The following ZBTB4 variants were observed in gnomAD, a reference collection of about 807,000 sequenced individuals.
The protein encoded by ZBTB4 is zinc finger and BTB domain containing 4.
A neutral mutation model predicts 59.8 loss-of-function variants in ZBTB4; 14 were observed. The ratio of observed to expected loss-of-function variants is 0.23; its 90% CI spans 0.15 to 0.37. The LOEUF (loss-of-function observed/expected upper bound fraction) is 0.37, where lower values mean the gene tolerates loss of function less well. Ranked by LOEUF, ZBTB4 falls within the 10% of genes least tolerant of loss-of-function variation. ZBTB4 has a pLI of 1.00. For missense variants in ZBTB4, 1,198 were observed against 1,380.8 expected, an observed-to-expected ratio of 0.87 and a Z score of 2.10; for synonymous variants, 587 against 575.2, an observed-to-expected ratio of 1.02 and a Z score of -0.29.
At chr17:7,476,754 T>G (rs2070274242) in intron 1 of ZBTB4, among the ~76,000 whole-genome samples, 2 of 152,150 alleles carry the variant, frequency 1.3e-5, no homozygotes, top group Admixed American at 1.3e-4. Context: ...CAGCAGAGAC[T>G]CAGGTTCTCA....
At chr17:7,477,220 C>T (rs1226186247) in intron 1 of ZBTB4, among the ~76,000 whole-genome samples, 2 of 152,196 alleles carry the variant, frequency 1.3e-5, no homozygotes, top group Non-Finnish European at 2.9e-5. Context: ...CTGGCATAGG[C>T]ACAGCCCCCA....
chr17:7,479,304 C>A (rs933059008), intron 1 of ZBTB4, among the ~76,000 whole-genome samples, 152 bp downstream of exon 1: 1 of 151,968 alleles, frequency 6.6e-6, no homozygotes, highest in Admixed American at 6.5e-5. Flanking sequence ...CCAGGCTCAG[C>A]CCCCGACCCC....
Position 7,463,480 on chromosome 17 carries a change from C to T in ZBTB4, c.1502G>A (p.Gly501Glu). ...GGGSGTASTG[G>E]SQAASVITYT... ...AGTGATAACCGAGGCAGCTTGGGAC[C>T]CTCCTGTGCTGGCCGTCCCACTCCC... Residue 501 changes from glycine to glutamate, a missense_variant, in exon 4 of 4, where the codon GGG becomes GAG. Physicochemically the swap from Gly to Glu is moderately conservative, Grantham distance 98 (BLOSUM62 -2). Around this residue, in one of 9 missense-constraint regions of ZBTB4, gnomAD observed 550 missense variants for 541.8 expected, o/e 1.02. Transcript: ENST00000380599. 6.5e-7 allele frequency: 1 copy of T among 1,536,836 alleles called. No individual in the cohort carries two copies. The highest frequency in any genetic ancestry group is 8.8e-7 in the Non-Finnish European group (1 of 1,141,854).
chr17:7,467,578 C>G (rs1021164595), intron 1 of ZBTB4, among the ~76,000 whole-genome samples: 19 of 152,172 alleles, frequency 1.2e-4, no homozygotes, highest in Non-Finnish European at 2.5e-4. Context: ...CAGAGAAGTA[C>G]AGTGACAAGA....
At chr17:7,480,265 C>T (rs71370499), upstream of ZBTB4, among the ~76,000 whole-genome samples, 1 of 152,136 alleles carries the variant, frequency 6.6e-6, no homozygotes, top group African/African-American at 2.4e-5. Flanking sequence ...GCCTTGGTGT[C>T]GGCCTCTGGG....
intron 1 of ZBTB4, among the ~76,000 whole-genome samples, chr17:7,468,322 G>A (rs915113268): frequency 6.6e-6 from 1 of 152,066 alleles, no homozygotes; most frequent in African/African-American, 2.4e-5. Flanking sequence ...GCAGTGAGAC[G>A]AGGTCACGCC....
At position 7,462,910 on chromosome 17, in the gene ZBTB4, C is replaced by T. The variant is rs748741166; in HGVS notation, c.2072G>A (p.Arg691Gln). Reference protein sequence around the residue: ...GASVGGSGLPRGRRPPRWRQK... With the variant: ...GASVGGSGLPQGRRPPRWRQK... Reference sequence around the variant, plus strand: ...CCTCCAACGTGGTGGCCGGCGGCCTCGGGGCAGCCCACTGCCCCCCACACT... The same window carrying T: ...CCTCCAACGTGGTGGCCGGCGGCCTTGGGGCAGCCCACTGCCCCCCACACT... The change falls in exon 4 of 4, where the codon CGA becomes CAA. Residue 691 changes from arginine (R) to glutamine (Q), a missense_variant. Coordinates refer to ENST00000380599, the MANE Select transcript of ZBTB4 (RefSeq NM_001128833.2). This position sits in a 1 kb window ranked among gnomAD's most constrained non-coding sequence, Gnocchi z 7.5. 19 of 1,609,002 alleles carry T rather than the reference C, an allele frequency of 1.2e-5. No homozygotes were observed. The highest frequency in any genetic ancestry group is 2.2e-5 in the East Asian group (1 of 44,886).
chr17:7,471,472 TG>T lies in ZBTB4; in HGVS notation c.-80-4146del, dbSNP rs199714918. Among the ~76,000 whole-genome samples the T allele has an allele frequency of 4.6e-3, 696 of 152,344 alleles. 8 individuals carry two copies. The highest frequency in any genetic ancestry group is 0.016 in the African/African-American group (676 of 41,574). ...TATCATCTCATTTCAACACTCAAAA[TG>T]GCCAGTGAGACAACAGGCTTAGAGA... On this transcript the variant is annotated intron_variant, in intron 1 of 3. Transcript: ENST00000380599.
At chr17:7,479,286 G>A (rs537977717) in intron 1 of ZBTB4, among the ~76,000 whole-genome samples, 170 bp downstream of exon 1, 1,955 of 151,846 alleles carry the variant, frequency 0.013, 36 homozygotes, top group African/African-American at 0.043. Context: ...GCGCGCCCGG[G>A]GGCGGGGCCA....
rs1346193939 is a variant in ZBTB4 at position 7,479,596 on chromosome 17, C to CCGGCTG, written c.-222_-221insCAGCCG. ...CCCCAGCGCCTGGCCCCGGCCCGGC[C>CCGGCTG]CCGCTGCCGCCGCCGCCGCCGCCGC... On this transcript the variant is annotated 5_prime_UTR_variant, in exon 1 of 4. Coordinates refer to ENST00000380599, the MANE Select transcript of ZBTB4 (RefSeq NM_001128833.2). The CCGGCTG allele has an allele frequency of 1.8e-5, 3 of 169,044 alleles. No homozygotes were observed. In the Admixed American group the frequency reaches 2.0e-4, roughly 11 times the overall value. 10.5% of individuals were successfully genotyped at this position (169,044 alleles called of 1,614,324 possible). A position where few individuals can be genotyped will look rare whatever the true frequency, so the allele number is the denominator to read the frequency against.
At chr17:7,475,463 C>A (rs1477706099) in intron 1 of ZBTB4, among the ~76,000 whole-genome samples, 1 of 152,218 alleles carries the variant, frequency 6.6e-6, no homozygotes, top group East Asian at 1.9e-4. Flanking sequence ...AGTACAGCCA[C>A]CCACAATAGG....
chr17:7,478,755 C>A (rs2070303412), intron 1 of ZBTB4, among the ~76,000 whole-genome samples: 1 of 152,252 alleles, frequency 6.6e-6, no homozygotes. Flanking sequence ...TCACCCAAAG[C>A]CACAGGGCTC....
intron 1 of ZBTB4, among the ~76,000 whole-genome samples, chr17:7,476,788 G>C (rs1390861569): frequency 2.6e-5 from 4 of 152,178 alleles, no homozygotes; most frequent in African/African-American, 9.7e-5. Flanking sequence ...GGATCCCTGA[G>C]CATCCGGGTC....
chr17:7,481,434 C>T (rs777195941), upstream of ZBTB4: 103 of 1,384,162 alleles, frequency 7.4e-5, no homozygotes, highest in Non-Finnish European at 9.4e-5. Flanking sequence ...ACCCCACCCC[C>T]ACTCCAACCA....
chr17:7,480,762 A>G (rs1252927189), upstream of ZBTB4, among the ~76,000 whole-genome samples: 1 of 152,076 alleles, frequency 6.6e-6, no homozygotes, highest in African/African-American at 2.4e-5. Flanking sequence ...AAACCATGCA[A>G]GATATAAATA....
At chr17:7,471,972 G>A (rs750613532) in intron 1 of ZBTB4, among the ~76,000 whole-genome samples, 1 of 152,226 alleles carries the variant, frequency 6.6e-6, no homozygotes. Context: ...CACTGAGGTG[G>A]GGATCTGAGC....
At chr17:7,481,568 T>A (rs2070345894), upstream of ZBTB4, 1 of 1,384,770 alleles carries the variant, frequency 7.2e-7, no homozygotes, top group Non-Finnish European at 9.7e-7. Context: ...TAGCTCCTGG[T>A]TGCTCCATTT....
intron 1 of ZBTB4, among the ~76,000 whole-genome samples, chr17:7,470,030 C>T (rs1019692790): frequency 1.3e-5 from 2 of 151,764 alleles, no homozygotes; most frequent in Non-Finnish European, 2.9e-5. Context: ...TGCAGTGAGC[C>T]GAGATTGCGT....
At chr17:7,471,068 A>T (rs2070191426) in intron 1 of ZBTB4, among the ~76,000 whole-genome samples, 1 of 152,228 alleles carries the variant, frequency 6.6e-6, no homozygotes, top group Non-Finnish European at 1.5e-5. Context: ...TGACTACCAC[A>T]GTACTTGGAC....
Sources: gnomAD v4.1 joint callset for allele counts (sites outside exome capture counted in the v4.1 genomes callset) on GRCh38, gnomAD v4.1.1 for gene constraint, gnomAD v4.1.1 regional missense constraint, Gnocchi (gnomAD v3.1) non-coding constraint, MANE v1.5 for transcripts, NCBI Gene and HGNC (gene_info 2026-07-23, HGNC 2026-07-21) for gene names.